Variants in SYT1 observed in about 807,000 individuals in gnomAD.
SYT1 encodes synaptotagmin-1.
Under a neutral mutation model 44.8 loss-of-function variants are expected in SYT1, and 8 were observed. That is an observed-to-expected ratio of 0.18 (90% CI 0.10 to 0.32). The LOEUF is 0.32. Ranked by LOEUF, SYT1 falls within the 10% of genes least tolerant of loss-of-function variation. The probability of loss-of-function intolerance (pLI) is 1.00; values close to 1 mark genes in which losing one functional copy is unlikely to be tolerated. For synonymous variants in SYT1, 154 were observed against 188.8 expected (o/e 0.82, Z 1.51); for missense variants, 286 against 509.3 (o/e 0.56, Z 4.22).
intron 9 of SYT1, among the ~76,000 whole-genome samples, chr12:79,387,160 C>G (rs950615108): frequency 1.3e-5 from 2 of 152,186 alleles, no homozygotes; most frequent in South Asian, 4.1e-4. Context: ...TCTACCCTCT[C>G]TTACCCACCT....
chr12:79,420,929 C>G (rs144452557), intron 9 of SYT1, among the ~76,000 whole-genome samples: 60 of 152,208 alleles, frequency 3.9e-4, no homozygotes, highest in African/African-American at 1.3e-3. Context: ...TAGAATTTCT[C>G]TCGTTTAATA....
chr12:79,098,119 T>C (rs1468409161), intron 3 of SYT1, among the ~76,000 whole-genome samples: 1 of 152,094 alleles, frequency 6.6e-6, no homozygotes, highest in Non-Finnish European at 1.5e-5. Flanking sequence ...ACATTCTTCA[T>C]TTCATTTTAT....
intron 8 of SYT1, among the ~76,000 whole-genome samples, chr12:79,339,608 A>G (rs1882265539): frequency 6.6e-6 from 1 of 152,188 alleles, no homozygotes; most frequent in Non-Finnish European, 1.5e-5. Flanking sequence ...ATTTTCTGCC[A>G]TTCTGAAGGT....
At chr12:79,159,765 CTG>C (rs1410128873) in intron 3 of SYT1, among the ~76,000 whole-genome samples, 1 of 152,074 alleles carries the variant, frequency 6.6e-6, no homozygotes, top group Non-Finnish European at 1.5e-5. Context: ...GCACCATCGA[CTG>C]TAGAGCACAT....
chr12:79,176,116 C>A (rs1260047463), intron 3 of SYT1, among the ~76,000 whole-genome samples: 1 of 151,684 alleles, frequency 6.6e-6, no homozygotes, highest in Non-Finnish European at 1.5e-5. Flanking sequence ...CATGGTGAAA[C>A]CTCATCTCTA....
At chr12:78,944,255 C>CTTTTTTTTTTT (rs1878537586) in intron 1 of SYT1, among the ~76,000 whole-genome samples, 1 of 150,268 alleles carries the variant, frequency 6.7e-6, no homozygotes, top group African/African-American at 2.4e-5. Flanking sequence ...AATCCCCCTT[C>CTTTTTTTTTTT]TTGCCATGTG....
intron 2 of SYT1, among the ~76,000 whole-genome samples, chr12:78,998,959 C>T (rs1411174804): frequency 1.3e-5 from 2 of 152,134 alleles, no homozygotes; most frequent in African/African-American, 4.8e-5. Flanking sequence ...ACACTGATTA[C>T]TGATCAAGGG....
At chr12:79,223,848 C>T (rs1026382516) in intron 4 of SYT1, among the ~76,000 whole-genome samples, 1 of 152,192 alleles carries the variant, frequency 6.6e-6, no homozygotes, top group Non-Finnish European at 1.5e-5. Context: ...CTGAGTTTTA[C>T]TGTGCAGTTG....
At chr12:79,054,322 A>G (rs1874767407) in intron 3 of SYT1, among the ~76,000 whole-genome samples, 1 of 152,068 alleles carries the variant, frequency 6.6e-6, no homozygotes, top group South Asian at 2.1e-4. Context: ...ATCAATAAAT[A>G]TTAGATTGCA....
intron 9 of SYT1, among the ~76,000 whole-genome samples, chr12:79,400,881 A>C (rs141060729): frequency 6.6e-6 from 1 of 152,222 alleles, no homozygotes; most frequent in Non-Finnish European, 1.5e-5. Flanking sequence ...CAGAATACAG[A>C]TCTCTTGTAG....
chr12:78,956,465 T>C (rs1879222988), intron 1 of SYT1, among the ~76,000 whole-genome samples: 1 of 151,928 alleles, frequency 6.6e-6, no homozygotes, highest in East Asian at 1.9e-4. Context: ...TGAGTTAATA[T>C]CTCTCTCCCT....
rs184586243 is a variant in SYT1, at chr12:79,423,522, C to T, written c.929-20551C>T. ...TAAGACATAGACAAACACACATACA[C>T]ACAACAAAACAAAACAAAAACATAA... is the stretch of plus-strand genomic sequence containing the variant. On this transcript the variant is annotated intron_variant, in intron 9 of 10. Coordinates refer to ENST00000261205, the MANE Select transcript of SYT1 (RefSeq NM_005639.3). Among the ~76,000 whole-genome samples the T allele has an allele frequency of 2.6e-5, 4 of 152,134 alleles. No individual in the cohort carries two copies. In the East Asian group the frequency reaches 7.7e-4, roughly 29 times the overall value.
intron 3 of SYT1, among the ~76,000 whole-genome samples, chr12:79,197,478 C>T (rs1873530981): frequency 6.6e-6 from 1 of 152,114 alleles, no homozygotes; most frequent in African/African-American, 2.4e-5. Flanking sequence ...GGTCCCTCTC[C>T]TCCTCCGGGT....
At chr12:78,892,380 A>C (rs185576897) in intron 1 of SYT1, among the ~76,000 whole-genome samples, 108 of 151,814 alleles carry the variant, frequency 7.1e-4, no homozygotes, top group Non-Finnish European at 1.5e-4. Flanking sequence ...AGTCACATAC[A>C]CCCAGGGGAT....
At chr12:79,222,452 C>G (rs1395256552) in intron 4 of SYT1, among the ~76,000 whole-genome samples, 1 of 151,182 alleles carries the variant, frequency 6.6e-6, no homozygotes, top group Non-Finnish European at 1.5e-5. Context: ...CACGATCTTG[C>G]CTCACTGCAA....
At chr12:79,336,822 GTATT>G (rs1321564419) in intron 8 of SYT1, among the ~76,000 whole-genome samples, 5 of 152,158 alleles carry the variant, frequency 3.3e-5, no homozygotes, top group Admixed American at 2.6e-4. Flanking sequence ...TTCATGTTAT[GTATT>G]TATTTATTTT....
intron 3 of SYT1, among the ~76,000 whole-genome samples, chr12:79,208,031 T>G (rs1874227295): frequency 6.6e-6 from 1 of 152,188 alleles, no homozygotes; most frequent in South Asian, 2.1e-4. Flanking sequence ...CCTTTTAAGC[T>G]ATTTGTTCAT....
chr12:79,149,406 G>A (rs997032161), intron 3 of SYT1, among the ~76,000 whole-genome samples: 2 of 151,988 alleles, frequency 1.3e-5, no homozygotes, highest in African/African-American at 4.8e-5. Flanking sequence ...TAGTTTCTAG[G>A]ATTTATTAAT....
chr12:78,982,532 G>A (rs1869339791), intron 2 of SYT1, among the ~76,000 whole-genome samples: 1 of 152,130 alleles, frequency 6.6e-6, no homozygotes, highest in African/African-American at 2.4e-5. Context: ...CAAAGGATGA[G>A]TTTTGGCAAC....
Sources: gnomAD v4.1 joint callset for allele counts (sites outside exome capture counted in the v4.1 genomes callset) on GRCh38, gnomAD v4.1.1 for gene constraint, MANE v1.5 for transcripts, NCBI Gene and HGNC (gene_info 2026-07-23, HGNC 2026-07-21) for gene names.